INPP4B: variants seen among roughly 807,000 people sequenced by gnomAD.
INPP4B encodes the protein inositol polyphosphate-4-phosphatase type II B.
In INPP4B, 55 loss-of-function variants were observed where a neutral mutation model predicts 122.5. The ratio of observed to expected loss-of-function variants is 0.45; its 90% confidence interval spans 0.36 to 0.56. The LOEUF (loss-of-function observed/expected upper bound fraction) is 0.56. Among genes scored for constraint, INPP4B ranks in the 20% least tolerant of loss-of-function variants. INPP4B has a pLI of 0.00. For synonymous variants in INPP4B, 403 were observed against 388.7 expected (o/e 1.04, Z -0.43); for missense variants, 1,000 against 1,097.7 (o/e 0.91, Z 1.26).
At chr4:142,585,824 CA>C (rs557305517) in intron 2 of INPP4B, among the ~76,000 whole-genome samples, 119 of 147,712 alleles carry the variant, frequency 8.1e-4, no homozygotes, top group African/African-American at 2.7e-3. Context: ...TGACTATCCT[CA>C]AAAAAAATTA....
intron 14 of INPP4B, among the ~76,000 whole-genome samples, chr4:142,195,510 TA>T (rs1837807334): frequency 6.6e-6 from 1 of 152,188 alleles, no homozygotes; most frequent in Non-Finnish European, 1.5e-5. Flanking sequence ...TCTGTTACCT[TA>T]ATTGTGGTGA....
At chr4:142,584,142 TCTTTA>T (rs1228811232) in intron 2 of INPP4B, among the ~76,000 whole-genome samples, 1 of 152,074 alleles carries the variant, frequency 6.6e-6, no homozygotes, top group Non-Finnish European at 1.5e-5. Context: ...TTTTTTCTTT[TCTTTA>T]CAACAACATT....
At chr4:142,783,977 C>T (rs569352596) in intron 1 of INPP4B, among the ~76,000 whole-genome samples, 23 of 152,166 alleles carry the variant, frequency 1.5e-4, no homozygotes, top group African/African-American at 5.3e-4. Context: ...TAAAAAAATG[C>T]CAGAGACTTT....
chr4:142,818,322 C>T (rs1419113082), intron 1 of INPP4B, among the ~76,000 whole-genome samples: 2 of 152,156 alleles, frequency 1.3e-5, no homozygotes, highest in Admixed American at 1.3e-4. Context: ...CCAGAAACAA[C>T]ACCAGGGCAG....
intron 18 of INPP4B, among the ~76,000 whole-genome samples, chr4:142,125,164 A>T (rs543179146): frequency 5.3e-5 from 8 of 152,072 alleles, no homozygotes; most frequent in Non-Finnish European, 1.2e-4. Context: ...ACAGTCCATC[A>T]ATATGCATCT....
rs547563267 is a variant in INPP4B at position 142,026,051 on chromosome 4, T to C, written c.*2731A>G. The C allele has an allele frequency of 9.5e-6, 1 of 104,718 alleles. No individual in the cohort carries two copies. Among genetic ancestry groups the C allele is most frequent in the African/African-American group, 2.9e-5 (1 of 35,034 alleles). The allele number at this position is 104,718 out of a possible 1,614,324, so 6.5% of individuals were successfully genotyped here. On this transcript the variant is annotated 3_prime_UTR_variant, in exon 26 of 26. Coordinates refer to ENST00000262992, the MANE Select transcript of INPP4B (RefSeq NM_001101669.3). ...GCATTTAATATCAAAGGGGAACATATTATTTTTGAGCAAAAAAAGAGTTTG... is the reference window on the plus strand; with the variant it reads ...GCATTTAATATCAAAGGGGAACATACTATTTTTGAGCAAAAAAAGAGTTTG...
chr4:142,193,062 G>A (rs1836690127), intron 15 of INPP4B, 25 bp downstream of exon 15: 1 of 1,370,542 alleles, frequency 7.3e-7, no homozygotes, highest in African/African-American at 1.4e-5. Flanking sequence ...AATGGAATCT[G>A]TGCTTTCCTC....
At chr4:142,737,694 A>C (rs939722940) in intron 1 of INPP4B, among the ~76,000 whole-genome samples, 3 of 152,296 alleles carry the variant, frequency 2.0e-5, no homozygotes, top group African/African-American at 4.8e-5. Context: ...AATGGGAGAA[A>C]ATTTTTACAA....
At chr4:142,394,772 T>C (rs1195240058) in intron 7 of INPP4B, among the ~76,000 whole-genome samples, 1 of 152,242 alleles carries the variant, frequency 6.6e-6, no homozygotes, top group African/African-American at 2.4e-5. Flanking sequence ...TGTCTCTTCA[T>C]GCTATTAATT....
chr4:142,505,305 G>A (rs1326176903), intron 2 of INPP4B, among the ~76,000 whole-genome samples: 3 of 151,654 alleles, frequency 2.0e-5, no homozygotes, highest in Admixed American at 6.6e-5. Flanking sequence ...AATTACATAT[G>A]TGAATATAAT....
intron 2 of INPP4B, among the ~76,000 whole-genome samples, chr4:142,548,650 T>C (rs1386851334): frequency 1.3e-5 from 2 of 152,108 alleles, no homozygotes; most frequent in African/African-American, 2.4e-5. Flanking sequence ...AGCTTCACTC[T>C]ACAGAATCCT....
At chr4:142,440,673 G>A (rs1427693080) in intron 3 of INPP4B, among the ~76,000 whole-genome samples, 1 of 152,034 alleles carries the variant, frequency 6.6e-6, no homozygotes, top group Admixed American at 6.6e-5. Flanking sequence ...TTCTCTCATG[G>A]AGCTTTAAAA....
At chr4:142,810,862 C>A (rs1464666196) in intron 1 of INPP4B, among the ~76,000 whole-genome samples, 1 of 152,206 alleles carries the variant, frequency 6.6e-6, no homozygotes, top group Admixed American at 6.5e-5. Flanking sequence ...ATCCTCTTGT[C>A]TGAAAGAAAA....
chr4:142,777,457 A>G (rs1479224973), intron 1 of INPP4B, among the ~76,000 whole-genome samples: 2 of 152,220 alleles, frequency 1.3e-5, no homozygotes, highest in Middle Eastern at 6.8e-3. Flanking sequence ...AGTTCTGCCA[A>G]TAATCACATG....
chr4:142,413,965 C>A (rs2149261978), intron 5 of INPP4B, among the ~76,000 whole-genome samples: 1 of 152,044 alleles, frequency 6.6e-6, no homozygotes, highest in Admixed American at 6.6e-5. Context: ...AATCTAATAC[C>A]ATGGGGAGAA....
chr4:142,668,780 G>A (rs1756526348), intron 2 of INPP4B, among the ~76,000 whole-genome samples: 1 of 152,270 alleles, frequency 6.6e-6, no homozygotes, highest in African/African-American at 2.4e-5. Flanking sequence ...TGGGCGTGGT[G>A]GCTCATGCCT....
chr4:142,485,757 T>C (rs981030523), intron 2 of INPP4B, among the ~76,000 whole-genome samples: 4 of 152,144 alleles, frequency 2.6e-5, no homozygotes, highest in Admixed American at 6.6e-5. Context: ...GTAACATGAA[T>C]TTACTACTAG....
chr4:142,473,584 C>G (rs564730320), intron 2 of INPP4B, among the ~76,000 whole-genome samples: 2 of 152,324 alleles, frequency 1.3e-5, no homozygotes, highest in East Asian at 3.9e-4. Flanking sequence ...CAGACCATCA[C>G]CAGCACAATA....
chr4:142,394,302 C>T (rs762251925), intron 7 of INPP4B, among the ~76,000 whole-genome samples: 2 of 152,138 alleles, frequency 1.3e-5, no homozygotes, highest in Non-Finnish European at 2.9e-5. Context: ...CCTGTCACCA[C>T]GCCCGGCTGA....
Sources: gnomAD v4.1 joint callset for allele counts (sites outside exome capture counted in the v4.1 genomes callset) on GRCh38, gnomAD v4.1.1 for gene constraint, MANE v1.5 for transcripts, NCBI Gene and HGNC (gene_info 2026-07-23, HGNC 2026-07-21) for gene names.